The following DNAH9 variants were observed in gnomAD, a reference collection of about 807,000 sequenced individuals.
DNAH9 encodes dynein axonemal heavy chain 9, also known as DNAH9 variant protein.
A neutral mutation model predicts 471.6 loss-of-function variants in DNAH9; 345 were observed. That is an observed-to-expected ratio of 0.73 (90% confidence interval 0.67 to 0.80). DNAH9 has a LOEUF of 0.80. Ranked by LOEUF, DNAH9 falls within the 30% of genes least tolerant of loss-of-function variation. The pLI is 0.00. For missense variants in DNAH9, 5,407 were observed against 5,609.2 expected (o/e 0.96, Z 1.15); for synonymous variants, 2,093 against 2,123.6 (o/e 0.99, Z 0.40).
intron 59 of DNAH9, among the ~76,000 whole-genome samples, chr17:11,897,808 G>A (rs1973266751): frequency 6.6e-6 from 1 of 152,214 alleles, no homozygotes; most frequent in South Asian, 2.1e-4. Context: ...GAAGCTGATT[G>A]GTTATGGTTG....
chr17:11,653,556 T>C (rs958120426), intron 14 of DNAH9, among the ~76,000 whole-genome samples: 3 of 152,116 alleles, frequency 2.0e-5, no homozygotes, highest in Admixed American at 6.5e-5. Context: ...TTGTGAACAA[T>C]GGGAAAGGAT....
intron 52 of DNAH9, among the ~76,000 whole-genome samples, chr17:11,872,648 C>A (rs1358622663): frequency 6.6e-6 from 1 of 152,056 alleles, no homozygotes; most frequent in African/African-American, 2.4e-5. Context: ...GGGCCGGGCG[C>A]GGTGGCTCAC....
chr17:11,715,948 G>A (rs982778567), intron 26 of DNAH9, among the ~76,000 whole-genome samples: 13 of 152,076 alleles, frequency 8.5e-5, no homozygotes, highest in African/African-American at 2.4e-4. Context: ...AGAGATGAGC[G>A]CTCTAACAGG....
At chr17:11,655,687 A>C (rs1357350428) in intron 14 of DNAH9, among the ~76,000 whole-genome samples, 2 of 151,486 alleles carry the variant, frequency 1.3e-5, no homozygotes, top group African/African-American at 2.4e-5. Flanking sequence ...TCAGCCATGA[A>C]AAGGAATGAA....
chr17:11,626,337 A>G lies in DNAH9; in HGVS notation c.1351-3080A>G, dbSNP rs1211917384. Among the ~76,000 whole-genome samples the G allele has an allele frequency of 6.6e-6, 1 of 152,218 alleles. No homozygotes were observed. The highest frequency in any genetic ancestry group is 1.5e-5 in the Non-Finnish European group (1 of 68,032). On this transcript the variant is annotated intron_variant, in intron 6 of 68. Coordinates refer to ENST00000262442, the MANE Select transcript of DNAH9 (RefSeq NM_001372.4). The surrounding 1 kb of genome is among the most constrained non-coding windows in gnomAD (Gnocchi z 4.3). The stretch of plus-strand genomic sequence containing the variant: ...ATTTACATAATTTAAGAATCGAATT[A>G]TTTTGATTCTTAAATCAAAGATTTA...
chr17:11,937,209 T>G lies in DNAH9; in HGVS notation c.12490-143T>G. ...AAGGTGCACTAATAGGTGGAGAGGG[T>G]GATGAAGTCAACCAGGGATGGTGAG... On this transcript the variant is annotated intron_variant, in intron 65 of 68. Coordinates refer to ENST00000262442, the MANE Select transcript of DNAH9 (RefSeq NM_001372.4). This position sits in a 1 kb window ranked among gnomAD's most constrained non-coding sequence, Gnocchi z 4.1. The G allele has an allele frequency of 1.0e-6, 1 of 976,296 alleles. No homozygotes were observed. Among genetic ancestry groups the G allele is most frequent in the Admixed American group, 2.7e-5 (1 of 37,096 alleles). The allele number at this position is 976,296 out of a possible 1,614,324, so 60.5% of individuals were successfully genotyped here. A position where few individuals can be genotyped will look rare whatever the true frequency, so the allele number is the denominator to read the frequency against.
At chr17:11,627,065 A>G (rs1475868842) in intron 6 of DNAH9, among the ~76,000 whole-genome samples, 1 of 152,196 alleles carries the variant, frequency 6.6e-6, no homozygotes, top group Non-Finnish European at 1.5e-5. Context: ...GAAGAAGGGA[A>G]TACAGAGTCT....
chr17:11,789,704 A>G (rs183589197), intron 41 of DNAH9, among the ~76,000 whole-genome samples: 1 of 151,982 alleles, frequency 6.6e-6, no homozygotes, highest in Admixed American at 6.5e-5. Flanking sequence ...TCTTTGCTTT[A>G]TAATTTTTAT....
chr17:11,777,103 A>G (rs1968466531), intron 38 of DNAH9, among the ~76,000 whole-genome samples: 1 of 152,244 alleles, frequency 6.6e-6, no homozygotes, highest in South Asian at 2.1e-4. Context: ...TCTGTGATAT[A>G]TGCCTCCTAG....
Position 11,603,447 on chromosome 17 carries a change from T to C in DNAH9, c.417+4532T>C, listed in dbSNP as rs373419221. Among the ~76,000 whole-genome samples the C allele has an allele frequency of 1.1e-3, 171 of 152,320 alleles. 2 individuals carry two copies. The highest frequency in any genetic ancestry group is 4.0e-3 in the African/African-American group (165 of 41,566). The stretch of plus-strand genomic sequence containing the variant: ...TCTTATGTCCACTTTGACTGCAGCA[T>C]CTCTCCTTGTATCTTCTGCCATCCC... On this transcript the variant is annotated intron_variant, in intron 1 of 68. Coordinates refer to ENST00000262442, the MANE Select transcript of DNAH9 (RefSeq NM_001372.4).
intron 4 of DNAH9, among the ~76,000 whole-genome samples, chr17:11,615,604 A>G (rs922349900): frequency 6.6e-6 from 1 of 151,916 alleles, no homozygotes; most frequent in African/African-American, 2.4e-5. Flanking sequence ...AGAAAAAAAA[A>G]AGGTATGAGC....
intron 68 of DNAH9, among the ~76,000 whole-genome samples, chr17:11,963,146 A>AC (rs34639264): frequency 0.48 from 72,992 of 151,824 alleles, 19,026 homozygotes; most frequent in Non-Finnish European, 0.59. Flanking sequence ...TTATAAGAAG[A>AC]CACACAGGTC....
At chr17:11,926,672 G>A (rs1213974674) in intron 62 of DNAH9, among the ~76,000 whole-genome samples, 1 of 152,104 alleles carries the variant, frequency 6.6e-6, no homozygotes, top group African/African-American at 2.4e-5. Context: ...GAGCAGTTGG[G>A]TTGATTCCAA....
chr17:11,808,462 A>G (rs1181286031), intron 44 of DNAH9, among the ~76,000 whole-genome samples: 1 of 152,140 alleles, frequency 6.6e-6, no homozygotes, highest in African/African-American at 2.4e-5. Context: ...TGTAACTTCT[A>G]TCAGGAGGCT....
At chr17:11,867,290 G>A (rs1382978818) in intron 50 of DNAH9, among the ~76,000 whole-genome samples, 4 of 151,890 alleles carry the variant, frequency 2.6e-5, no homozygotes, top group Non-Finnish European at 4.4e-5. Flanking sequence ...CTTATTTTCT[G>A]GAAAGCATAT....
intron 9 of DNAH9, among the ~76,000 whole-genome samples, chr17:11,638,534 G>A (rs1308823248): frequency 3.9e-5 from 6 of 152,100 alleles, no homozygotes; most frequent in South Asian, 2.1e-4. Context: ...ACAGGTGCCT[G>A]CCACGAGGCC....
At chr17:11,922,045 A>T (rs1271129953) in intron 61 of DNAH9, among the ~76,000 whole-genome samples, 1 of 152,198 alleles carries the variant, frequency 6.6e-6, no homozygotes, top group Non-Finnish European at 1.5e-5. Flanking sequence ...CCACTTCCAA[A>T]GCTGACATCA....
intron 28 of DNAH9, among the ~76,000 whole-genome samples, chr17:11,735,218 T>G (rs1303724699): frequency 6.6e-6 from 1 of 152,098 alleles, no homozygotes. Flanking sequence ...TCATTCTGTT[T>G]TGTGAAGATC....
At chr17:11,686,466 G>A (rs2074243719) in intron 19 of DNAH9, among the ~76,000 whole-genome samples, 2 of 152,180 alleles carry the variant, frequency 1.3e-5, no homozygotes, top group Admixed American at 6.5e-5. Context: ...CCAGAGTTTA[G>A]AGGATGGCTT....
Sources: gnomAD v4.1 joint callset for allele counts (sites outside exome capture counted in the v4.1 genomes callset) on GRCh38, gnomAD v4.1.1 for gene constraint, Gnocchi (gnomAD v3.1) non-coding constraint, MANE v1.5 for transcripts, NCBI Gene and HGNC (gene_info 2026-07-23, HGNC 2026-07-21) for gene names.